PKD1: variants seen among roughly 807,000 people sequenced by gnomAD.
PKD1 encodes the protein polycystin 1, transient receptor potential channel interacting, also known as polycystin-1.
Under a neutral mutation model 361.7 loss-of-function variants are expected in PKD1, and 81 were observed. That is an observed-to-expected ratio of 0.22 (90% CI 0.19 to 0.27). The LOEUF is 0.27. PKD1 is among the 10% of genes least tolerant of loss of function. PKD1 has a pLI of 1.00. For synonymous variants in PKD1, 3,615 were observed against 2,818.3 expected (o/e 1.28, Z -8.95); for missense variants, 6,399 against 6,118.3 (o/e 1.05, Z -1.53).
chr16:2,097,383 G>C lies in PKD1; in HGVS notation c.10341C>G (p.Gly3447=). The change falls in exon 33 of 46, where the codon GGC becomes GGG. Residue 3447 remains glycine, a synonymous_variant. Transcript: ENST00000262304. ...CCAGGGAGAAGCCGTCCTCCTCTGGGCCCAGCCCATGGCCCGCCTGGCCCC... is the reference window on the plus strand; with the variant it reads ...CCAGGGAGAAGCCGTCCTCCTCTGGCCCCAGCCCATGGCCCGCCTGGCCCC... ...LARGQAGHGL[G]PEEDGFSLAS... 1 of 1,611,460 alleles carries C rather than the reference G, an allele frequency of 6.2e-7. No individual in the cohort carries two copies. Among genetic ancestry groups the C allele is most frequent in the Non-Finnish European group, 8.5e-7 (1 of 1,179,934 alleles).
chr16:2,106,952 G>A lies in PKD1; in HGVS notation c.7066-4C>T, dbSNP rs768968444. ...CCCGGCCACTCCGGATCAGCACCTG[G>A]CGTGGGAGTGGGGTTACCTCCAACA... On this transcript the variant is annotated splice_polypyrimidine_tract_variant and splice_region_variant and intron_variant, in intron 16 of 45. Coordinates refer to ENST00000262304, the MANE Select transcript of PKD1 (RefSeq NM_001009944.3). This position sits in a 1 kb window ranked among gnomAD's most constrained non-coding sequence, Gnocchi z 6.5. The A allele has an allele frequency of 8.8e-6, 14 of 1,585,300 alleles. No homozygotes were observed. Among genetic ancestry groups the A allele is most frequent in the South Asian group, 2.2e-5 (2 of 90,834 alleles).
Position 2,114,569 on chromosome 16 carries a change from G to C in PKD1, c.2454C>G (p.Val818=), listed in dbSNP as rs1260653228. 8 of 1,594,312 alleles carry C rather than the reference G, an allele frequency of 5.0e-6. No homozygotes were observed. The East Asian group carries it at 1.8e-4, about 36-fold the overall frequency. Residue 818 remains valine, a synonymous_variant, in exon 11 of 46, where the codon GTC becomes GTG. Transcript: ENST00000262304. ...TGACCCGCAGCCCAGCCACTGGGGA[G>C]ACCACGTCAAAGCTGCAGGAGAGGT... ...RHNLSCSFDV[V]SPVAGLRVIY...
At chr16:2,091,212 G>C (rs1188153088) in intron 42 of PKD1, 38 bp from the exon 43 acceptor site, 1 of 1,189,764 alleles carries the variant, frequency 8.4e-7, no homozygotes, top group Non-Finnish European at 1.1e-6. Flanking sequence ...GAGGGACGCT[G>C]CCGGGGCGGG....
At chr16:2,133,073 C>A (rs1220284341) in intron 1 of PKD1, 2 of 122,414 alleles carry the variant, frequency 1.6e-5, no homozygotes, top group Admixed American at 1.8e-4. Context: ...CAAGAGTGAA[C>A]TCTGTCTCAA....
At position 2,089,912 on chromosome 16, in the gene PKD1, G is replaced by A. The variant is rs754065789; in HGVS notation, c.12727C>T (p.Leu4243=). ...CTCCTGCGGCCTTGCAGGCTGTGCA[G>A]CTGCTGCTCCAGCTGGTAGACGTCC... ...TEDVYQLEQQ[L]HSLQGRRSSR... The change falls in exon 46 of 46, where the codon CTG becomes TTG. Residue 4243 remains leucine (L), a synonymous_variant. Transcript: ENST00000262304. 5.6e-6 allele frequency: 9 copies of A among 1,611,916 alleles called. No homozygotes were observed. The South Asian group carries it at 6.6e-5, about 12-fold the overall frequency.
chr16:2,118,628 C>T lies in PKD1; in HGVS notation c.529+48G>A. ...TGCCCAGTGTCTGCAGGGCCCAGGT[C>T]CCACCTGGCTGGGAAGGACAGAGCT... On this transcript the variant is annotated intron_variant, in intron 4 of 45. Transcript: ENST00000262304. This position sits in a 1 kb window ranked among gnomAD's most constrained non-coding sequence, Gnocchi z 6.0. 1.0e-6 allele frequency: 1 copy of T among 1,000,040 alleles called. No individual in the cohort carries two copies. Among genetic ancestry groups the T allele is most frequent in the Non-Finnish European group, 1.5e-6 (1 of 658,478 alleles). The allele number at this position is 1,000,040 out of a possible 1,614,324, so 61.9% of individuals were successfully genotyped here.
At chr16:2,103,111 C>T in intron 23 of PKD1, 141 bp from the exon 24 acceptor site, 1 of 1,271,302 alleles carries the variant, frequency 7.9e-7, no homozygotes, top group South Asian at 1.3e-5. Context: ...GCACCTGCTT[C>T]TCCGTGGCCC....
Position 2,106,311 on chromosome 16 carries a change from G to C in PKD1, c.7490-7C>G. On this transcript the variant is annotated splice_region_variant and splice_polypyrimidine_tract_variant and intron_variant, in intron 18 of 45. Coordinates refer to ENST00000262304, the MANE Select transcript of PKD1 (RefSeq NM_001009944.3). The surrounding 1 kb of genome is among the most constrained non-coding windows in gnomAD (Gnocchi z 6.5). The stretch of plus-strand genomic sequence containing the variant: ...TCCTCCGCGTCATGCCAGCCTGAGG[G>C]ACGGTCCCCACGGCATCACGGGAGG... 2 of 1,608,706 alleles carry C rather than the reference G, an allele frequency of 1.2e-6. No homozygotes were observed. The highest frequency in any genetic ancestry group is 1.7e-6 in the Non-Finnish European group (2 of 1,178,348).
At chr16:2,122,600 T>A (rs375718317) in intron 1 of PKD1, among the ~76,000 whole-genome samples, 3 of 152,320 alleles carry the variant, frequency 2.0e-5, no homozygotes, top group East Asian at 3.9e-4. Context: ...GAGGCCATTC[T>A]CGAGACAGGG....
intron 1 of PKD1, among the ~76,000 whole-genome samples, chr16:2,132,950 G>A (rs1445335155): frequency 1.3e-5 from 2 of 151,222 alleles, no homozygotes; most frequent in African/African-American, 4.9e-5. Context: ...GCATGGTGGT[G>A]CACGCCTGTA....
chr16:2,096,842 C>T, intron 34 of PKD1: 1 of 467,660 alleles, frequency 2.1e-6, no homozygotes, highest in South Asian at 2.8e-5. Flanking sequence ...AAAAACCCGC[C>T]CATAATTTCT....
At chr16:2,092,885 C>T in intron 38 of PKD1, 69 bp downstream of exon 38, 1 of 1,579,908 alleles carries the variant, frequency 6.3e-7, no homozygotes. Flanking sequence ...CACATGTCCC[C>T]TAGGGTCTGG....
rs150459340 is a variant in PKD1, at chr16:2,109,900, T to C, written c.5267A>G (p.Glu1756Gly). 4.3e-6 allele frequency: 7 copies of C among 1,610,484 alleles called. No homozygotes were observed. The highest frequency in any genetic ancestry group is 5.9e-6 in the Non-Finnish European group (7 of 1,179,732). Residue 1756 changes from glutamate to glycine, a missense_variant, in exon 15 of 46, where the codon GAG becomes GGG. By Grantham distance (98) the Glu-to-Gly change is moderately conservative. Coordinates refer to ENST00000262304, the MANE Select transcript of PKD1 (RefSeq NM_001009944.3). ...CTCGGAGGTCTCCCAGCTCAGCCCCTCCTCCAAGGACCAAGTGTATACGAC... is the reference window on the plus strand; with the variant it reads ...CTCGGAGGTCTCCCAGCTCAGCCCCCCCTCCAAGGACCAAGTGTATACGAC... The part of the protein sequence containing the change: ...SGVVYTWSLE[E>G]GLSWETSEPF...
In PKD1 at chr16:2,107,962, C is replaced by T. The variant is rs575211353; in HGVS notation, c.6986G>A (p.Arg2329Gln). The change falls in exon 16 of 46, where the codon CGG (arginine) becomes CAG (glutamine). Residue 2329 changes from arginine (R) to glutamine (Q), a missense_variant. Coordinates refer to ENST00000262304, the MANE Select transcript of PKD1 (RefSeq NM_001009944.3). ...GSSTVTIPRE[R>Q]LAAGVEYTFS... Reference sequence around the variant, plus strand: ...GGTGTACTCCACGCCAGCCGCCAGCCGCTCCCGTGGAATGGTGACCGTGCT... The same window carrying T: ...GGTGTACTCCACGCCAGCCGCCAGCTGCTCCCGTGGAATGGTGACCGTGCT... The T allele has an allele frequency of 2.5e-5, 39 of 1,548,278 alleles. No homozygotes were observed. The South Asian group carries it at 2.9e-4, about 11-fold the overall frequency.
rs747807172 is a variant in PKD1 at position 2,090,325 on chromosome 16, C to T, written c.12404G>A (p.Arg4135His). The change falls in exon 45 of 46, where the codon CGC (arginine) becomes CAC (histidine). Residue 4135 changes from arginine to histidine, a missense_variant. By Grantham distance (29) the Arg-to-His change is conservative. Transcript: ENST00000262304. Reference protein sequence around the residue: ...QDYEMVELFLRRLRLWMGLSK... With the variant: ...QDYEMVELFLHRLRLWMGLSK... ...GAGGCCCATCCAGAGGCGCAGCCTG[C>T]GCAGGAACAACTCCACCATCTCGTA... 3 of 1,612,000 alleles carry T rather than the reference C, an allele frequency of 1.9e-6. No homozygotes were observed. In the African/African-American group the frequency reaches 4.0e-5, roughly 22 times the overall value.
rs766687827 is a variant in PKD1, at chr16:2,091,201, G to A, written c.11713-27C>T. 4.2e-5 allele frequency: 56 copies of A among 1,338,496 alleles called. No homozygotes were observed. Among genetic ancestry groups the A allele is most frequent in the Non-Finnish European group, 4.2e-5 (44 of 1,045,408 alleles). 82.9% of individuals were successfully genotyped at this position (1,338,496 alleles called of 1,614,324 possible). A position where few individuals can be genotyped will look rare whatever the true frequency, so the allele number is the denominator to read the frequency against. ...TGTGGGGGGCGCGGTCAGGAGGGCGGGAGGGACGCTGCCGGGGCGGGGCCC... is the reference window on the plus strand; with the variant it reads ...TGTGGGGGGCGCGGTCAGGAGGGCGAGAGGGACGCTGCCGGGGCGGGGCCC... On this transcript the variant is annotated intron_variant, in intron 42 of 45. Coordinates refer to ENST00000262304, the MANE Select transcript of PKD1 (RefSeq NM_001009944.3).
rs2091376465 is a variant in PKD1 at position 2,089,776 on chromosome 16, C to G, written c.12863G>C (p.Ser4288Thr). 3 of 1,597,608 alleles carry G rather than the reference C, an allele frequency of 1.9e-6. No individual in the cohort carries two copies. Among genetic ancestry groups the G allele is most frequent in the Non-Finnish European group, 2.6e-6 (3 of 1,173,448 alleles). Residue 4288 changes from serine to threonine, a missense_variant, in exon 46 of 46, where the codon AGC becomes ACC. Physicochemically the swap from Ser to Thr is moderately conservative, Grantham distance 58 (BLOSUM62 1). Coordinates refer to ENST00000262304, the MANE Select transcript of PKD1 (RefSeq NM_001009944.3). ...SRGVDLATGP[S>T]RTPLRAKNKV... ...GTTCTTGGCCCGAAGGGGTGTCCTG[C>G]TGGGGCCAGTGGCCAGGTCCACACC...
rs1330985810 is a variant in PKD1, at chr16:2,102,914, G to C, written c.8848C>G (p.Pro2950Ala). The C allele has an allele frequency of 6.2e-7, 1 of 1,609,402 alleles. No homozygotes were observed. The highest frequency in any genetic ancestry group is 1.3e-5 in the African/African-American group (1 of 74,876). ...GAGCAGTTGTGCTCATTGGGCCGGG[G>C]CTCCGAGTGTAGGTAGACTGCCAGG... ...PYLAVYLHSEPRPNEHNCSAS... is the reference protein window; with the variant it reads ...PYLAVYLHSEARPNEHNCSAS... Residue 2950 changes from proline (P) to alanine (A), a missense_variant, in exon 24 of 46, where the codon CCC becomes GCC. Physicochemically the swap from Pro to Ala is conservative, Grantham distance 27. Transcript: ENST00000262304.
rs1449553628 is a variant in PKD1, at chr16:2,092,749, A to G, written c.11157-157T>C. On this transcript the variant is annotated intron_variant, in intron 38 of 45. Coordinates refer to ENST00000262304, the MANE Select transcript of PKD1 (RefSeq NM_001009944.3). ...TTATCCTGGGGATGTTCTGGGGCAG[A>G]CAGTTGTCTGTCATGGGCCCGTCCT... The G allele has an allele frequency of 2.9e-5, 24 of 832,620 alleles. No individual in the cohort carries two copies. In the South Asian group the frequency reaches 3.3e-4, roughly 11 times the overall value. The allele number at this position is 832,620 out of a possible 1,614,324, so 51.6% of individuals were successfully genotyped here. A position where few individuals can be genotyped will look rare whatever the true frequency, so the allele number is the denominator to read the frequency against.
Sources: allele counts gnomAD v4.1 joint callset (sites outside exome capture counted in the v4.1 genomes callset), GRCh38; gene constraint gnomAD v4.1.1; non-coding constraint Gnocchi (gnomAD v3.1); transcripts MANE v1.5; gene names NCBI Gene and HGNC (gene_info 2026-07-23, HGNC 2026-07-21).